Variants in LPIN1 observed in about 807,000 individuals in gnomAD.
The protein encoded by LPIN1 is phosphatidate phosphatase LPIN1.
Under a neutral mutation model 107.5 loss-of-function variants are expected in LPIN1, and 71 were observed. The observed-to-expected ratio is 0.66, with a 90% CI of 0.55 to 0.80. LPIN1 has a LOEUF of 0.80. LPIN1 is among the 30% of genes least tolerant of loss of function. LPIN1 has a pLI of 0.00. For missense variants in LPIN1, 1,043 were observed against 1,160.6 expected (o/e 0.90, Z 1.47); for synonymous variants, 445 against 452.6 (o/e 0.98, Z 0.21).
upstream of LPIN1, chr2:11,746,579 G>T: frequency 1.4e-6 from 1 of 694,980 alleles, no homozygotes; most frequent in Non-Finnish European, 1.8e-6. Context: ...CTCTGCCCCC[G>T]CCCCTGCCCC....
intron 20 of LPIN1, among the ~76,000 whole-genome samples, chr2:11,821,659 TAGAG>T (rs1681550258): frequency 6.6e-6 from 1 of 152,216 alleles, no homozygotes; most frequent in African/African-American, 2.4e-5. Flanking sequence ...TGGTTTTAGA[TAGAG>T]AGATAAGTTC....
Position 11,802,982 on chromosome 2 carries a change from T to G in LPIN1, c.1962T>G (p.Leu654=). The G allele has an allele frequency of 6.2e-7, 1 of 1,613,278 alleles. No individual in the cohort carries two copies. Among genetic ancestry groups the G allele is most frequent in the Non-Finnish European group, 8.5e-7 (1 of 1,180,022 alleles). The change falls in exon 15 of 21, where the codon CTT becomes CTG. Residue 654 remains leucine, a synonymous_variant. Transcript: ENST00000674199. ...AKPSNAGHLP[L]LPNVSYKKTL... Reference sequence around the variant, plus strand: ...CATCAAACGCAGGCCACCTCCCTCTTCTGCCTAATGTCAGCTACAAGAAGA... The same window carrying G: ...CATCAAACGCAGGCCACCTCCCTCTGCTGCCTAATGTCAGCTACAAGAAGA...
chr2:11,700,506 T>G (rs538885698), intron 1 of LPIN1, among the ~76,000 whole-genome samples: 114 of 152,166 alleles, frequency 7.5e-4, no homozygotes, highest in Non-Finnish European at 1.4e-3. Context: ...TCTCTCTCTC[T>G]CGCTCTCTCT....
intron 2 of LPIN1, chr2:11,767,315 T>C (rs950534163): frequency 1.0e-5 from 2 of 194,406 alleles, no homozygotes; most frequent in East Asian, 2.5e-4. Context: ...CTGGGGAAGC[T>C]TTGATTGCAG....
intron 2 of LPIN1, among the ~76,000 whole-genome samples, chr2:11,714,419 C>A (rs2148526877): frequency 6.6e-6 from 1 of 152,308 alleles, no homozygotes; most frequent in East Asian, 1.9e-4. Context: ...AGCCCAAAGG[C>A]CATCACTACC....
intron 17 of LPIN1, among the ~76,000 whole-genome samples, chr2:11,810,004 T>C (rs534028077): frequency 4.3e-4 from 66 of 152,298 alleles, no homozygotes; most frequent in African/African-American, 1.5e-3. Flanking sequence ...CCAGGAATGC[T>C]CTGCTCCTGG....
rs78481689 is a variant in LPIN1 at position 11,824,519 on chromosome 2, A to C, written c.2622-113A>C. ...TTCTAGAATGACTTGAGTCGTGTCG[A>C]TAAGTAGGCGGTCTGCTCCTTGAGG... On this transcript the variant is annotated intron_variant, in intron 20 of 20. Transcript: ENST00000674199. The C allele has an allele frequency of 2.1e-3, 2,102 of 982,776 alleles. 6 individuals are homozygous for C. Among genetic ancestry groups the C allele is most frequent in the Admixed American group, 3.9e-3 (217 of 55,172 alleles). The allele number at this position is 982,776 out of a possible 1,614,324, so 60.9% of individuals were successfully genotyped here. A position where few individuals can be genotyped will look rare whatever the true frequency, so the allele number is the denominator to read the frequency against.
At chr2:11,705,024 T>C (rs1158227812) in intron 1 of LPIN1, among the ~76,000 whole-genome samples, 1 of 152,214 alleles carries the variant, frequency 6.6e-6, no homozygotes, top group South Asian at 2.1e-4. Context: ...GGCCACAGGA[T>C]TGATCAGACA....
At chr2:11,763,350 C>T (rs542711932) in intron 1 of LPIN1, 53 of 153,446 alleles carry the variant, frequency 3.5e-4, no homozygotes, top group Middle Eastern at 3.4e-3. Flanking sequence ...CGGCAGAAGG[C>T]TGGGAGCGGA....
intron 1 of LPIN1, among the ~76,000 whole-genome samples, chr2:11,693,062 G>T (rs1662350637): frequency 6.6e-6 from 1 of 152,130 alleles, no homozygotes; most frequent in Admixed American, 6.5e-5. Context: ...AAGATTCAGG[G>T]TCACTGTGAC....
chr2:11,798,249 A>G (rs1002740751), intron 14 of LPIN1, among the ~76,000 whole-genome samples: 6 of 152,208 alleles, frequency 3.9e-5, no homozygotes, highest in African/African-American at 1.4e-4. Flanking sequence ...CAGTGTGAGA[A>G]CGGACTAATA....
intron 20 of LPIN1, among the ~76,000 whole-genome samples, chr2:11,822,166 C>T (rs184842294): frequency 3.1e-4 from 47 of 151,528 alleles, no homozygotes; most frequent in Non-Finnish European, 4.9e-4. Context: ...CACGATGGCT[C>T]ATGCCTATAA....
At position 11,825,374 on chromosome 2, in the gene LPIN1, C is replaced by T. The variant is rs1338072137; in HGVS notation, c.*583C>T. The T allele has an allele frequency of 6.5e-6, 1 of 154,902 alleles. No homozygotes were observed. Among genetic ancestry groups the T allele is most frequent in the Non-Finnish European group, 1.4e-5 (1 of 69,626 alleles). 9.6% of individuals were successfully genotyped at this position (154,902 alleles called of 1,614,324 possible). Reference sequence around the variant, plus strand: ...TCAGACTTGGCCTTGTGGATGGGCCCCTTACAGTATTTGCTGACTAGTCTC... The same window carrying T: ...TCAGACTTGGCCTTGTGGATGGGCCTCTTACAGTATTTGCTGACTAGTCTC... On this transcript the variant is annotated 3_prime_UTR_variant, in exon 21 of 21. Coordinates refer to ENST00000674199, the MANE Select transcript of LPIN1 (RefSeq NM_001349206.2). This position sits in a 1 kb window ranked among gnomAD's most constrained non-coding sequence, Gnocchi z 4.1.
intron 7 of LPIN1, 70 bp downstream of exon 7, chr2:11,779,715 T>A: frequency 6.3e-7 from 1 of 1,597,564 alleles, no homozygotes. Flanking sequence ...GGAATTAGTA[T>A]CATAGCATAG....
At chr2:11,701,905 C>G (rs1662892983) in intron 1 of LPIN1, among the ~76,000 whole-genome samples, 1 of 152,218 alleles carries the variant, frequency 6.6e-6, no homozygotes, top group Non-Finnish European at 1.5e-5. Context: ...TGTGCTAAAA[C>G]TCTTCCTGAA....
At chr2:11,702,359 G>T (rs1662915050) in intron 1 of LPIN1, among the ~76,000 whole-genome samples, 1 of 152,196 alleles carries the variant, frequency 6.6e-6, no homozygotes, top group Admixed American at 6.5e-5. Context: ...CAGCACAGTG[G>T]ATAGTGGCCC....
At chr2:11,768,669 G>GCT (rs1276741537) in intron 3 of LPIN1, among the ~76,000 whole-genome samples, 7 of 152,070 alleles carry the variant, frequency 4.6e-5, no homozygotes, top group Non-Finnish European at 1.0e-4. Flanking sequence ...GGGCATGGTG[G>GCT]CTCACGCCTG....
intron 1 of LPIN1, among the ~76,000 whole-genome samples, chr2:11,747,499 C>G (rs1285408558): frequency 1.3e-5 from 2 of 152,132 alleles, no homozygotes; most frequent in Non-Finnish European, 2.9e-5. Flanking sequence ...AGACAACTGG[C>G]AGTATTAATT....
chr2:11,816,741 C>CT (rs58385642), intron 18 of LPIN1: 4,402 of 136,920 alleles, frequency 0.032, 84 homozygotes, highest in Middle Eastern at 0.12. Context: ...AATGACCTTC[C>CT]TTTTTTTTTT....
Sources: allele counts gnomAD v4.1 joint callset (sites outside exome capture counted in the v4.1 genomes callset), GRCh38; gene constraint gnomAD v4.1.1; non-coding constraint Gnocchi (gnomAD v3.1); transcripts MANE v1.5; gene names NCBI Gene and HGNC (gene_info 2026-07-23, HGNC 2026-07-21).